Variants in MMP26 observed in about 807,000 individuals in gnomAD.
The protein encoded by MMP26 is matrix metalloproteinase-26.
MMP26 carries 33 observed loss-of-function variants against 31.0 expected under a neutral mutation model. The observed-to-expected ratio is 1.06, with a 90% CI of 0.81 to 1.42. The LOEUF (loss-of-function observed/expected upper bound fraction) is 1.42, where lower values mean the gene tolerates loss of function less well. Ranked by LOEUF, MMP26 falls within the 40% of genes most tolerant of loss-of-function variation. The pLI, the probability that MMP26 is intolerant of heterozygous loss-of-function variation, is 0.00. For missense variants in MMP26, 347 were observed against 316.1 expected, an observed-to-expected ratio of 1.10 and a Z score of -0.74; for synonymous variants, 122 against 114.9, an observed-to-expected ratio of 1.06 and a Z score of -0.40.
intron 2 of MMP26, among the ~76,000 whole-genome samples, chr11:4,798,779 A>G (rs11033918): frequency 0.37 from 56,151 of 152,152 alleles, 11,456 homozygotes; most frequent in African/African-American, 0.52. Flanking sequence ...ACTAAGCATT[A>G]CACTGGAGAA....
chr11:4,804,377 C>T, intron 2 of MMP26: 1 of 1,612,758 alleles, frequency 6.2e-7, no homozygotes, highest in Non-Finnish European at 8.5e-7. Context: ...GAAGCCAGCA[C>T]CATGGACTGG....
chr11:4,738,431 C>T (rs371481319), intron 1 of MMP26, among the ~76,000 whole-genome samples: 14 of 152,254 alleles, frequency 9.2e-5, no homozygotes, highest in Middle Eastern at 3.4e-3. Flanking sequence ...GAAAATATCT[C>T]ATCAACCAGA....
chr11:4,720,512 C>G (rs1847996043), intron 1 of MMP26, among the ~76,000 whole-genome samples: 1 of 151,358 alleles, frequency 6.6e-6, no homozygotes, highest in African/African-American at 2.4e-5. Flanking sequence ...GCATTTAGTA[C>G]AAAGAACTGG....
rs201404869 is a variant in MMP26 at position 4,978,691 on chromosome 11, TG to T, written c.-144-9376del. Among the ~76,000 whole-genome samples, 786 of 152,316 alleles carry T rather than the reference TG, an allele frequency of 5.2e-3. 4 individuals are homozygous for T. The highest frequency in any genetic ancestry group is 8.4e-3 in the Admixed American group (128 of 15,294). ...TGTGTCCTGGAAGATATGGCCACAT[TG>T]TCTCACGTATCATCACTTAACTGAC... On this transcript the variant is annotated intron_variant, in intron 2 of 7. Transcript: ENST00000380390.
At chr11:4,988,432 A>G in intron 3 of MMP26, 122 bp downstream of exon 3, 1 of 777,342 alleles carries the variant, frequency 1.3e-6, no homozygotes, top group Non-Finnish European at 2.3e-6. Context: ...ATTACACATG[A>G]AAACATTTTA....
At chr11:4,900,042 TG>T (rs1360722760) in intron 2 of MMP26, among the ~76,000 whole-genome samples, 1 of 152,114 alleles carries the variant, frequency 6.6e-6, no homozygotes, top group Admixed American at 6.5e-5. Flanking sequence ...ATGACGCATC[TG>T]GGGTATGTTG....
intron 2 of MMP26, among the ~76,000 whole-genome samples, chr11:4,864,103 G>C (rs1461313077): frequency 6.6e-6 from 1 of 152,052 alleles, no homozygotes; most frequent in African/African-American, 2.4e-5. Flanking sequence ...AAACAGAGCT[G>C]GAGTCTACTG....
rs71050433 is a variant in MMP26, at chr11:4,819,566, A to ATTTTTTTTTTTTT, written c.-145+52243_-145+52255dup. Among the ~76,000 whole-genome samples, 46 of 50,280 alleles carry ATTTTTTTTTTTTT rather than the reference A, an allele frequency of 9.1e-4. 4 individuals carry two copies. The highest frequency in any genetic ancestry group is 1.1e-3 in the Non-Finnish European group (34 of 30,258). 33.0% of individuals were successfully genotyped at this position (50,280 alleles called of 152,430 possible). On this transcript the variant is annotated intron_variant, in intron 2 of 7. Coordinates refer to ENST00000380390, the MANE Select transcript of MMP26 (RefSeq NM_021801.5). ...GATGGTCACTGAAATGAGTCGACTG[A>ATTTTTTTTTTTTT]TTTTTTTTTTTTTTTTTTTTTTTTT...
At chr11:4,988,637 C>T (rs1044236801) in intron 3 of MMP26, among the ~76,000 whole-genome samples, 2 of 151,928 alleles carry the variant, frequency 1.3e-5, no homozygotes, top group African/African-American at 4.8e-5. Flanking sequence ...GATCTATATA[C>T]TGGAGTGAGA....
intron 2 of MMP26, chr11:4,830,328 T>C (rs1467316694): frequency 6.6e-6 from 1 of 152,226 alleles, no homozygotes; most frequent in Non-Finnish European, 1.5e-5. Context: ...ATCAACCCTA[T>C]GTCTTTCAGA....
intron 1 of MMP26, among the ~76,000 whole-genome samples, chr11:4,722,154 T>C (rs919009577): frequency 6.6e-6 from 1 of 152,230 alleles, no homozygotes; most frequent in East Asian, 1.9e-4. Flanking sequence ...TAAACCTCTT[T>C]TCTTTATAAG....
At chr11:4,961,541 A>G (rs1452389510) in intron 2 of MMP26, among the ~76,000 whole-genome samples, 3 of 152,226 alleles carry the variant, frequency 2.0e-5, no homozygotes, top group African/African-American at 7.2e-5. Context: ...CCCCTTGTCA[A>G]TTTGGCAACC....
In MMP26 at chr11:4,800,165, G is replaced by A. The variant is rs77348073; in HGVS notation, c.-145+32824G>A. Among the ~76,000 whole-genome samples, 819 of 152,312 alleles carry A rather than the reference G, an allele frequency of 5.4e-3. 8 individuals are homozygous for A. Among genetic ancestry groups the A allele is most frequent in the African/African-American group, 0.019 (776 of 41,564 alleles). On this transcript the variant is annotated intron_variant, in intron 2 of 7. Transcript: ENST00000380390. The stretch of plus-strand genomic sequence containing the variant: ...CTCTGACACCACATTTCCCTTCAGC[G>A]CTGGCTTACTAGAGTCTCTCTGTTA...
intron 1 of MMP26, chr11:4,710,806 G>A: frequency 5.0e-6 from 1 of 199,760 alleles, no homozygotes; most frequent in East Asian, 1.1e-4. Flanking sequence ...GAGTTTAGGA[G>A]TCTCACCACC....
intron 2 of MMP26, among the ~76,000 whole-genome samples, chr11:4,982,697 C>T (rs373680789): frequency 3.2e-4 from 49 of 152,244 alleles, no homozygotes; most frequent in African/African-American, 1.0e-3. Context: ...TACATATTTA[C>T]AAGAGGTAAA....
chr11:4,942,915 A>G (rs1846235574), intron 2 of MMP26: 1 of 152,224 alleles, frequency 6.6e-6, no homozygotes, highest in South Asian at 2.1e-4. Context: ...ATTAAAGAAT[A>G]TTTTTTCATG....
At chr11:4,946,268 G>A in intron 2 of MMP26, 1 of 1,613,926 alleles carries the variant, frequency 6.2e-7, no homozygotes, top group African/African-American at 1.3e-5. Context: ...GAGAACATTT[G>A]CCATGAGAAC....
At chr11:4,901,353 G>T (rs1850799623) in intron 2 of MMP26, among the ~76,000 whole-genome samples, 1 of 151,778 alleles carries the variant, frequency 6.6e-6, no homozygotes, top group South Asian at 2.1e-4. Context: ...GTAGAGACGG[G>T]GTTTCACAGT....
At chr11:4,891,724 C>G (rs1169871803) in intron 2 of MMP26, among the ~76,000 whole-genome samples, 1 of 152,172 alleles carries the variant, frequency 6.6e-6, no homozygotes, top group Non-Finnish European at 1.5e-5. Flanking sequence ...CATAATGGTG[C>G]TCTCCATCTT....
Sources: gnomAD v4.1 joint callset for allele counts (sites outside exome capture counted in the v4.1 genomes callset) on GRCh38, gnomAD v4.1.1 for gene constraint, MANE v1.5 for transcripts, NCBI Gene and HGNC (gene_info 2026-07-23, HGNC 2026-07-21) for gene names.